DNASE1: variants seen among roughly 807,000 people sequenced by gnomAD.
The protein encoded by DNASE1 is deoxyribonuclease 1.
In DNASE1, 40 loss-of-function variants were observed where a neutral mutation model predicts 33.9. That is an observed-to-expected ratio of 1.18 (90% confidence interval 0.92 to 1.54). The LOEUF is 1.54. DNASE1 is among the 40% of genes most tolerant of loss of function. The probability of loss-of-function intolerance (pLI) is 0.00; values close to 1 mark genes in which losing one functional copy is unlikely to be tolerated. For synonymous variants in DNASE1, 216 were observed against 160.0 expected (o/e 1.35, Z -2.64); for missense variants, 518 against 372.6 (o/e 1.39, Z -3.21).
rs117176134 is a variant in DNASE1 at position 3,655,098 on chromosome 16, G to C, written c.-2+54G>C. 9.7e-3 allele frequency: 5,724 copies of C among 592,572 alleles called. 56 individuals carry two copies. Among genetic ancestry groups the C allele is most frequent in the South Asian group, 0.016 (774 of 48,530 alleles). The allele number at this position is 592,572 out of a possible 1,614,324, so 36.7% of individuals were successfully genotyped here. On this transcript the variant is annotated intron_variant, in intron 1 of 8. Transcript: ENST00000246949. ...GACTGGCCGGTTTGGAGCAGGGAGG[G>C]AGGCTTAGAGTCTCATCCTCCAGCA... is the stretch of plus-strand genomic sequence containing the variant.
At chr16:3,638,055 AATG>A (rs1178875474), upstream of DNASE1, among the ~76,000 whole-genome samples, 1 of 151,196 alleles carries the variant, frequency 6.6e-6, no homozygotes, top group East Asian at 1.9e-4. Flanking sequence ...TTCATTTTTT[AATG>A]ATATTTTTGG....
In DNASE1 at chr16:3,657,734, GGATGCTGC is replaced by G; in HGVS notation, c.720_727del (p.Met241ProfsTer13). On this transcript the variant is annotated frameshift_variant, in exon 8 of 9. Coordinates refer to ENST00000246949, the MANE Select transcript of DNASE1 (RefSeq NM_005223.4). LOFTEE classifies it high-confidence loss of function. ...ACACCCATCAGGATCGTGGTTGCAGGGATGCTGCTCCGAGGCGCCGTTGTTCCCGACTC... is the reference window on the plus strand; with the variant it reads ...ACACCCATCAGGATCGTGGTTGCAGGTCCGAGGCGCCGTTGTTCCCGACTC... The G allele has an allele frequency of 6.2e-7, 1 of 1,613,916 alleles. No individual in the cohort carries two copies. Among genetic ancestry groups the G allele is most frequent in the Non-Finnish European group, 8.5e-7 (1 of 1,179,968 alleles).
At chr16:3,665,318 G>C (rs2050806323) in exon 10 of DNASE1, 1 of 152,232 alleles carries the variant, frequency 6.6e-6, no homozygotes, top group African/African-American at 2.4e-5. Flanking sequence ...TGGGCTCCTG[G>C]GATGAAATGT....
rs115943692 is a variant in DNASE1, at chr16:3,617,787, A to T, written c.-1359+5781A>T. ...AAGGTGAGACTCCATTTTTACAAAAATTTTTTTAAAAAAAGAAAAGAGGCC... is the reference window on the plus strand; with the variant it reads ...AAGGTGAGACTCCATTTTTACAAAATTTTTTTTAAAAAAAGAAAAGAGGCC... On this transcript the variant is annotated intron_variant and NMD_transcript_variant, in intron 1 of 11. Coordinates refer to the DNASE1 transcript ENST00000570769. 9.1e-3 allele frequency among the ~76,000 whole-genome samples: 1,384 copies of T among 152,134 alleles called. 25 individuals carry two copies. The highest frequency in any genetic ancestry group is 0.032 in the African/African-American group (1,312 of 41,468).
At chr16:3,663,050 C>T (rs1567221950), downstream of DNASE1, 3 of 1,021,886 alleles carry the variant, frequency 2.9e-6, no homozygotes, top group East Asian at 7.8e-5. Flanking sequence ...ATGCTTCCAG[C>T]TCCCACCTCC....
At chr16:3,642,382 A>T (rs1419308574), upstream of DNASE1, among the ~76,000 whole-genome samples, 1 of 152,172 alleles carries the variant, frequency 6.6e-6, no homozygotes, top group Non-Finnish European at 1.5e-5. Context: ...GAAGAGTCCA[A>T]ATGGGACAGA....
chr16:3,630,129 T>C (rs2041649924), intron 1 of DNASE1, among the ~76,000 whole-genome samples: 1 of 150,924 alleles, frequency 6.6e-6, no homozygotes, highest in Non-Finnish European at 1.5e-5. Flanking sequence ...TTGTTTGTTT[T>C]TTGTTGTGTG....
At chr16:3,641,415 C>G (rs73505444), upstream of DNASE1, among the ~76,000 whole-genome samples, 1 of 152,208 alleles carries the variant, frequency 6.6e-6, no homozygotes, top group Admixed American at 6.5e-5. Context: ...TGTCTGCCCC[C>G]GCTCAAGGGC....
At chr16:3,653,156 G>A (rs892852470), upstream of DNASE1, 6 of 152,228 alleles carry the variant, frequency 3.9e-5, no homozygotes, top group Non-Finnish European at 8.8e-5. Context: ...ATCTTAAGAA[G>A]AAGAGGCAGA....
chr16:3,642,567 C>T (rs2042054692), upstream of DNASE1, among the ~76,000 whole-genome samples: 1 of 152,220 alleles, frequency 6.6e-6, no homozygotes, highest in African/African-American at 2.4e-5. Context: ...GGCCCAGGCC[C>T]TGCTCTCGGT....
At chr16:3,664,536 C>T (rs1272154857) in exon 10 of DNASE1, 4 of 1,458,544 alleles carry the variant, frequency 2.7e-6, no homozygotes, top group South Asian at 2.6e-5. Flanking sequence ...GGCGCAAACC[C>T]TCCGATGCCC....
Position 3,655,906 on chromosome 16 carries a change from GC to G in DNASE1, c.207del (p.Val70TrpfsTer94), listed in dbSNP as rs764272993. 6.2e-7 allele frequency: 1 copy of G among 1,614,046 alleles called. No homozygotes were observed. ...GGAGGTCAGAGACAGCCACCTGACT[GC>G]CGTGGGGAAGCTGCTGGACAACCTC... ...VQEVRDSHLT[A>X]VGKLLDNLNQ... On this transcript the variant is annotated frameshift_variant, in exon 3 of 9. Coordinates refer to ENST00000246949, the MANE Select transcript of DNASE1 (RefSeq NM_005223.4). LOFTEE classifies it high-confidence loss of function.
At chr16:3,644,020 C>T (rs1474487518) in intron 1 of DNASE1, among the ~76,000 whole-genome samples, 2 of 152,124 alleles carry the variant, frequency 1.3e-5, no homozygotes, top group African/African-American at 2.4e-5. Context: ...GCATTATAGG[C>T]GTCAGCCACC....
chr16:3,612,437 G>T (rs2040917784), intron 1 of DNASE1, among the ~76,000 whole-genome samples: 2 of 151,598 alleles, frequency 1.3e-5, no homozygotes, highest in Non-Finnish European at 2.9e-5. Context: ...TTTTAGTAGA[G>T]ACTAGGTTTC....
chr16:3,621,687 G>C (rs900080290), intron 1 of DNASE1, among the ~76,000 whole-genome samples: 4 of 152,146 alleles, frequency 2.6e-5, no homozygotes, highest in Non-Finnish European at 5.9e-5. Flanking sequence ...TTGTTTAGCA[G>C]TTGCATTATA....
upstream of DNASE1, chr16:3,654,356 C>G: frequency 5.0e-6 from 2 of 398,800 alleles, no homozygotes; most frequent in Non-Finnish European, 8.8e-6. Context: ...TTGTTCCGAG[C>G]TCCCCAGCCT....
Position 3,656,166 on chromosome 16 carries a change from C to CGCT in DNASE1, c.302_304dup (p.Arg101_Tyr102insCys). ...ACTGGGACGGAACAGCTATAAGGAG[C>CGCT]GCTACCTGTTCGTGTACAGGTGGGT... On this transcript the variant is annotated inframe_insertion, in exon 4 of 9. Coordinates refer to ENST00000246949, the MANE Select transcript of DNASE1 (RefSeq NM_005223.4). The CGCT allele has an allele frequency of 6.2e-7, 1 of 1,614,056 alleles. No individual in the cohort carries two copies. Among genetic ancestry groups the CGCT allele is most frequent in the Non-Finnish European group, 8.5e-7 (1 of 1,180,002 alleles).
At chr16:3,658,977 G>GT, downstream of DNASE1, 1 of 1,065,330 alleles carries the variant, frequency 9.4e-7, no homozygotes, top group Non-Finnish European at 1.4e-6. Context: ...ACTGTCTGTA[G>GT]TTTTTTAAAT....
intron 1 of DNASE1, among the ~76,000 whole-genome samples, chr16:3,634,599 T>C (rs1444649651): frequency 1.3e-5 from 2 of 152,038 alleles, no homozygotes; most frequent in Admixed American, 1.3e-4. Flanking sequence ...ACCCTTGAAC[T>C]CCAGGGCTCA....
Sources: gnomAD v4.1 joint callset for allele counts (sites outside exome capture counted in the v4.1 genomes callset) on GRCh38, gnomAD v4.1.1 for gene constraint, MANE v1.5 for transcripts, NCBI Gene and HGNC (gene_info 2026-07-23, HGNC 2026-07-21) for gene names.